The following MEOX2 variants were observed in gnomAD, a reference collection of about 807,000 sequenced individuals.
MEOX2 encodes the protein homeobox protein MOX-2.
MEOX2 carries 11 observed loss-of-function variants against 27.0 expected under a neutral mutation model. The observed-to-expected ratio is 0.41, with a 90% CI of 0.26 to 0.68. The LOEUF (loss-of-function observed/expected upper bound fraction) is 0.68. MEOX2 is among the 30% of genes least tolerant of loss of function. The probability of loss-of-function intolerance (pLI) is 0.33; values close to 1 mark genes in which losing one functional copy is unlikely to be tolerated. For synonymous variants in MEOX2, 189 were observed against 155.4 expected (o/e 1.22, Z -1.61); for missense variants, 436 against 385.4 (o/e 1.13, Z -1.10).
intron 1 of MEOX2, among the ~76,000 whole-genome samples, chr7:15,664,391 C>T (rs1209208438): frequency 6.6e-6 from 1 of 151,978 alleles, no homozygotes; most frequent in African/African-American, 2.4e-5. Flanking sequence ...AATATATGTG[C>T]AGTTACTTTG....
chr7:15,650,648 G>A (rs1038257074), intron 1 of MEOX2, among the ~76,000 whole-genome samples: 2 of 151,972 alleles, frequency 1.3e-5, no homozygotes, highest in Non-Finnish European at 2.9e-5. Context: ...TTCCCTTAAG[G>A]ATCATATCAT....
chr7:15,646,498 A>C (rs919894232), intron 1 of MEOX2, among the ~76,000 whole-genome samples: 4 of 152,042 alleles, frequency 2.6e-5, no homozygotes, highest in Non-Finnish European at 5.9e-5. Context: ...TTGACAAAGT[A>C]TAGTCAGTAA....
chr7:15,682,950 G>T (rs753810350), intron 1 of MEOX2, among the ~76,000 whole-genome samples: 1 of 151,776 alleles, frequency 6.6e-6, no homozygotes, highest in Non-Finnish European at 1.5e-5. Context: ...TATTAAATTT[G>T]GTTATTTTCA....
intron 1 of MEOX2, among the ~76,000 whole-genome samples, chr7:15,658,064 C>CT (rs1480223735): frequency 1.3e-5 from 2 of 152,216 alleles, no homozygotes; most frequent in Non-Finnish European, 1.5e-5. Flanking sequence ...ATAAGACTAA[C>CT]TTTTTACTAA....
At position 15,627,828 on chromosome 7, in the gene MEOX2, T is replaced by TACACACACACACACACACACACACACAC. The variant is rs578053964; in HGVS notation, c.518-911_518-910insGTGTGTGTGTGTGTGTGTGTGTGTGTGT. On this transcript the variant is annotated intron_variant, in intron 1 of 2. Coordinates refer to ENST00000262041, the MANE Select transcript of MEOX2 (RefSeq NM_005924.5). ...TAGTAAACACACACACACACACACG[T>TACACACACACACACACACACACACACAC]CAAGTAAAAAGTAATCATACCCAGC... Among the ~76,000 whole-genome samples the TACACACACACACACACACACACACACAC allele has an allele frequency of 5.1e-3, 122 of 23,834 alleles. 1 individual carries two copies. Among genetic ancestry groups the TACACACACACACACACACACACACACAC allele is most frequent in the African/African-American group, 0.019 (118 of 6,360 alleles). The allele number at this position is 23,834 out of a possible 152,430, so 15.6% of individuals were successfully genotyped here.
intron 1 of MEOX2, among the ~76,000 whole-genome samples, chr7:15,637,807 G>A (rs989983954): frequency 1.3e-5 from 2 of 151,934 alleles, no homozygotes; most frequent in Non-Finnish European, 2.9e-5. Flanking sequence ...GGTCTTCTGA[G>A]GCTGGTTTTT....
chr7:15,638,873 G>T (rs923122831), intron 1 of MEOX2, among the ~76,000 whole-genome samples: 1 of 151,886 alleles, frequency 6.6e-6, no homozygotes, highest in Non-Finnish European at 1.5e-5. Context: ...TTCTTTACGC[G>T]ATCAACTGTT....
intron 1 of MEOX2, chr7:15,679,908 A>C (rs1782265703): frequency 6.6e-6 from 1 of 151,938 alleles, no homozygotes; most frequent in South Asian, 2.1e-4. Context: ...AAAAAATGTA[A>C]ATTATTTTCA....
At chr7:15,676,857 C>G (rs77334800) in intron 1 of MEOX2, among the ~76,000 whole-genome samples, 1 of 132,502 alleles carries the variant, frequency 7.5e-6, no homozygotes, top group Non-Finnish European at 1.6e-5. Flanking sequence ...AACTCGGTCT[C>G]AAAAAAAAAA....
chr7:15,683,711 T>C (rs1782329285), intron 1 of MEOX2, among the ~76,000 whole-genome samples: 2 of 152,302 alleles, frequency 1.3e-5, no homozygotes, highest in South Asian at 2.1e-4. Flanking sequence ...TAAGTGTACA[T>C]AGATTTAAAC....
At chr7:15,621,478 G>A (rs1781222253) in intron 2 of MEOX2, among the ~76,000 whole-genome samples, 1 of 152,180 alleles carries the variant, frequency 6.6e-6, no homozygotes, top group South Asian at 2.1e-4. Flanking sequence ...AGATGCAAAT[G>A]TAAGAGTGTG....
intron 1 of MEOX2, among the ~76,000 whole-genome samples, chr7:15,657,202 C>A (rs771515958): frequency 6.6e-6 from 1 of 152,050 alleles, no homozygotes; most frequent in Admixed American, 6.6e-5. Flanking sequence ...AGGATTCTCG[C>A]AGCTGCTTGT....
intron 2 of MEOX2, among the ~76,000 whole-genome samples, chr7:15,615,797 T>A (rs1781115385): frequency 6.6e-6 from 1 of 152,056 alleles, no homozygotes; most frequent in African/African-American, 2.4e-5. Context: ...TATGTCATGA[T>A]CATCATCATT....
chr7:15,627,781 T>A (rs1407062466), intron 1 of MEOX2, among the ~76,000 whole-genome samples: 2 of 111,140 alleles, frequency 1.8e-5, no homozygotes, highest in African/African-American at 3.4e-5. Flanking sequence ...CTTAATATAC[T>A]AAAAAGCAGA....
intron 1 of MEOX2, among the ~76,000 whole-genome samples, chr7:15,639,679 T>C (rs1364327048): frequency 6.6e-6 from 1 of 152,164 alleles, no homozygotes; most frequent in Non-Finnish European, 1.5e-5. Context: ...TTCTTCTGCA[T>C]GTAGCTAGCC....
intron 1 of MEOX2, among the ~76,000 whole-genome samples, chr7:15,638,563 T>C (rs1369239339): frequency 1.3e-5 from 2 of 152,110 alleles, no homozygotes; most frequent in African/African-American, 4.8e-5. Context: ...TGCATAATCG[T>C]AAGGTTTGGG....
intron 1 of MEOX2, among the ~76,000 whole-genome samples, chr7:15,663,821 T>C (rs1008659541): frequency 6.6e-6 from 1 of 152,118 alleles, no homozygotes; most frequent in African/African-American, 2.4e-5. Context: ...CTCGTAGTAA[T>C]AGCATCATTC....
At chr7:15,619,423 T>C (rs543779504) in intron 2 of MEOX2, among the ~76,000 whole-genome samples, 3 of 152,202 alleles carry the variant, frequency 2.0e-5, no homozygotes, top group Admixed American at 2.0e-4. Flanking sequence ...TTAATATTTT[T>C]GCTTCCCTAG....
intron 1 of MEOX2, among the ~76,000 whole-genome samples, chr7:15,664,749 A>G (rs1463100849): frequency 1.3e-5 from 2 of 152,132 alleles, no homozygotes; most frequent in Admixed American, 6.5e-5. Context: ...AGGGCTGTAC[A>G]GATTTATTTC....
Sources: gnomAD v4.1 joint callset for allele counts (sites outside exome capture counted in the v4.1 genomes callset) on GRCh38, gnomAD v4.1.1 for gene constraint, MANE v1.5 for transcripts, NCBI Gene and HGNC (gene_info 2026-07-23, HGNC 2026-07-21) for gene names.